GRAMD4: variants seen among roughly 807,000 people sequenced by gnomAD.
GRAMD4 encodes the protein GRAM domain-containing protein 4.
Under a neutral mutation model 83.9 loss-of-function variants are expected in GRAMD4, and 25 were observed. The observed-to-expected ratio is 0.30, with a 90% CI of 0.22 to 0.42. GRAMD4 has a LOEUF of 0.42. GRAMD4 is among the 10% of genes least tolerant of loss of function. The pLI is 1.00. For synonymous variants in GRAMD4, 336 were observed against 320.9 expected (o/e 1.05, Z -0.50); for missense variants, 593 against 788.7 (o/e 0.75, Z 2.97).
At chr22:46,609,019 C>T (rs1423714305) in intron 1 of GRAMD4, among the ~76,000 whole-genome samples, 1 of 152,134 alleles carries the variant, frequency 6.6e-6, no homozygotes, top group African/African-American at 2.4e-5. Context: ...TACCACCTAC[C>T]CCAGAGGCTG....
rs767156403 is a variant in GRAMD4 at position 46,658,324 on chromosome 22, G to C, written c.404+17G>C. The C allele has an allele frequency of 1.9e-6, 3 of 1,590,002 alleles. No homozygotes were observed. The highest frequency in any genetic ancestry group is 2.6e-6 in the Non-Finnish European group (3 of 1,170,454). On this transcript the variant is annotated intron_variant, in intron 4 of 18. Coordinates refer to ENST00000406902, the MANE Select transcript of GRAMD4 (RefSeq NM_015124.5). ...GAAGGCCAGGTACCGCGCCTTCCTCGGGGCCCTGGCCTGTGTGCGGCTGCC... is the reference window on the plus strand; with the variant it reads ...GAAGGCCAGGTACCGCGCCTTCCTCCGGGCCCTGGCCTGTGTGCGGCTGCC...
chr22:46,587,022 T>G (rs2147920860), intron 1 of GRAMD4, among the ~76,000 whole-genome samples: 1 of 152,358 alleles, frequency 6.6e-6, no homozygotes, highest in African/African-American at 2.4e-5. Flanking sequence ...CCTGTGATGC[T>G]GGACAAAGCC....
chr22:46,583,492 GTCTCTCTAAGCTCC>G (rs1220903226), intron 1 of GRAMD4, among the ~76,000 whole-genome samples: 3 of 152,188 alleles, frequency 2.0e-5, no homozygotes, highest in Non-Finnish European at 4.4e-5. Context: ...TAGCTGTCAT[GTCTCTCTAAGCTCC>G]TCTTTGCTAT....
Position 46,677,253 on chromosome 22 carries a change from A to G in GRAMD4, c.*2A>G. 6.2e-7 allele frequency: 1 copy of G among 1,603,850 alleles called. No homozygotes were observed. The highest frequency in any genetic ancestry group is 8.5e-7 in the Non-Finnish European group (1 of 1,177,206). ...GCAGCGTCTGGCGGGGACAGCTAGT[A>G]TTGACTTGCCCAGGACGTTGCTGGA... On this transcript the variant is annotated 3_prime_UTR_variant, in exon 19 of 19. Coordinates refer to ENST00000406902, the MANE Select transcript of GRAMD4 (RefSeq NM_015124.5).
chr22:46,637,725 T>G (rs956891311), intron 2 of GRAMD4, 115 bp from the exon 3 acceptor site: 1 of 1,095,762 alleles, frequency 9.1e-7, no homozygotes. Flanking sequence ...TGCTGGTCCC[T>G]TTCACATGCC....
chr22:46,614,978 TGTGCATGTAGGTTCCCCC>T (rs2081460302), intron 1 of GRAMD4, among the ~76,000 whole-genome samples: 1 of 92,564 alleles, frequency 1.1e-5, no homozygotes, highest in African/African-American at 4.2e-5. Flanking sequence ...TAGGTTCCCT[TGTGCATGTAGGTTCCCCC>T]GTGTGTAGGT....
In GRAMD4 at chr22:46,584,834, A is replaced by C. The variant is rs539276409; in HGVS notation, c.-50+7544A>C. On this transcript the variant is annotated intron_variant, in intron 1 of 1. Coordinates refer to the GRAMD4 transcript ENST00000431155. The stretch of plus-strand genomic sequence containing the variant: ...GGGCTTGGCGTTGCTTTGAGACGTG[A>C]AAGTGGGGCTGACTTAGAACGCATC... 2.0e-5 allele frequency among the ~76,000 whole-genome samples: 3 copies of C among 152,306 alleles called. No homozygotes were observed. The East Asian group carries it at 5.8e-4, about 29-fold the overall frequency.
At chr22:46,680,447 G>T (rs1005315426), downstream of GRAMD4, among the ~76,000 whole-genome samples, 1 of 151,920 alleles carries the variant, frequency 6.6e-6, no homozygotes, top group Non-Finnish European at 1.5e-5. Context: ...TAGGTCTAGT[G>T]GGCCACGCCA....
upstream of GRAMD4, among the ~76,000 whole-genome samples, chr22:46,576,702 G>A (rs373221109): frequency 6.6e-6 from 1 of 152,120 alleles, no homozygotes; most frequent in Non-Finnish European, 1.5e-5. Context: ...CCGGGACGCG[G>A]GTTTCCACCG....
intron 1 of GRAMD4, among the ~76,000 whole-genome samples, chr22:46,596,579 G>C (rs1257685349): frequency 6.6e-6 from 1 of 152,178 alleles, no homozygotes; most frequent in East Asian, 1.9e-4. Context: ...CATGTGCTCT[G>C]TTGCCCAGGC....
chr22:46,667,288 C>T (rs959524925), intron 10 of GRAMD4, among the ~76,000 whole-genome samples: 33 of 152,034 alleles, frequency 2.2e-4, no homozygotes, highest in African/African-American at 7.3e-4. Context: ...TGCAGTGAGC[C>T]GAGATCCCTC....
chr22:46,616,203 TATGTACGTTCCCCTGTGC>T (rs1309441541), upstream of GRAMD4, among the ~76,000 whole-genome samples: 755 of 65,672 alleles, frequency 0.011, 255 homozygotes, highest in East Asian at 0.033. Flanking sequence ...CGTTCCCCTG[TATGTACGTTCCCCTGTGC>T]GTGTAGGTTC....
At chr22:46,676,698 G>C in intron 18 of GRAMD4, 30 bp downstream of exon 18, 2 of 1,539,576 alleles carry the variant, frequency 1.3e-6, no homozygotes, top group Non-Finnish European at 1.8e-6. Context: ...CCGCCAAGGG[G>C]TTGGTGTGGG....
intron 3 of GRAMD4, among the ~76,000 whole-genome samples, chr22:46,643,523 C>T (rs919134236): frequency 1.3e-5 from 2 of 152,192 alleles, no homozygotes; most frequent in African/African-American, 2.4e-5. Flanking sequence ...TGATACAATG[C>T]TATTATTATC....
intron 14 of GRAMD4, 138 bp downstream of exon 14, chr22:46,673,135 G>T: frequency 1.3e-6 from 1 of 755,336 alleles, no homozygotes; most frequent in Non-Finnish European, 2.1e-6. Flanking sequence ...TAAACTTGAG[G>T]GTTTTTTTTT....
chr22:46,674,789 G>C (rs767035040), intron 16 of GRAMD4, 39 bp downstream of exon 16: 14 of 1,429,168 alleles, frequency 9.8e-6, no homozygotes, highest in Admixed American at 1.7e-5. Context: ...CTGCAGGGGA[G>C]GGGGCGCAGG....
chr22:46,597,732 G>A (rs566041115), intron 1 of GRAMD4, among the ~76,000 whole-genome samples: 1 of 152,198 alleles, frequency 6.6e-6, no homozygotes, highest in South Asian at 2.1e-4. Flanking sequence ...CTCGTGATCT[G>A]CCCGCTTCGG....
chr22:46,665,954 C>T (rs1327619941), intron 9 of GRAMD4, among the ~76,000 whole-genome samples: 1 of 152,214 alleles, frequency 6.6e-6, no homozygotes, highest in East Asian at 1.9e-4. Context: ...AGAGCCAGGG[C>T]CGTTCCAGCA....
At chr22:46,577,405 G>GCCGCCGCCGCCGCCGCCGCCGCCGCCC (rs2081053001) in intron 1 of GRAMD4, 1 of 474,126 alleles carries the variant, frequency 2.1e-6, no homozygotes, top group African/African-American at 2.1e-5. Context: ...CCCCGCCGCC[G>GCCGCCGCCGCCGCCGCCGCCGCCGCCC]CCGCCGCCGC....
Sources: allele counts gnomAD v4.1 joint callset (sites outside exome capture counted in the v4.1 genomes callset), GRCh38; gene constraint gnomAD v4.1.1; transcripts MANE v1.5; gene names NCBI Gene and HGNC (gene_info 2026-07-23, HGNC 2026-07-21).